SIN3A: variants seen among roughly 807,000 people sequenced by gnomAD.
SIN3A encodes the protein SIN3 transcription regulator family member A, also known as paired amphipathic helix protein Sin3a.
Under a neutral mutation model 146.1 loss-of-function variants are expected in SIN3A, and 14 were observed. The observed-to-expected ratio is 0.10, with a 90% confidence interval of 0.06 to 0.15. The LOEUF is 0.15. Among genes scored for constraint, SIN3A ranks in the 10% least tolerant of loss-of-function variants. The pLI is 1.00. For synonymous variants in SIN3A, 572 were observed against 572.0 expected (o/e 1.00, Z 0.00); for missense variants, 1,028 against 1,576.0 (o/e 0.65, Z 5.89).
At position 75,442,186 on chromosome 15, in the gene SIN3A, C is replaced by T. The variant is rs1183692450; in HGVS notation, c.-34+9237G>A. Among the ~76,000 whole-genome samples the T allele has an allele frequency of 4.5e-5, 6 of 132,594 alleles. No homozygotes were observed. In the East Asian group the frequency reaches 1.2e-3, roughly 26 times the overall value. 87.0% of individuals were successfully genotyped at this position (132,594 alleles called of 152,430 possible). On this transcript the variant is annotated intron_variant, in intron 1 of 20. Transcript: ENST00000394947. ...TTTTTTTCATTTTTACATAATTTTT[C>T]CTTCTAACCATCTTTATACATATAC... is the stretch of plus-strand genomic sequence containing the variant.
chr15:75,452,058 G>A (rs1329177302), upstream of SIN3A, among the ~76,000 whole-genome samples: 4 of 152,188 alleles, frequency 2.6e-5, no homozygotes, highest in African/African-American at 9.7e-5. Context: ...TCCCGCCTCC[G>A]CTGGTCATCG....
At chr15:75,428,340 G>T (rs1229453873) in intron 2 of SIN3A, among the ~76,000 whole-genome samples, 1 of 152,124 alleles carries the variant, frequency 6.6e-6, no homozygotes, top group African/African-American at 2.4e-5. Context: ...AGGAGACAGG[G>T]TCTTGCACTG....
At chr15:75,425,427 C>A (rs143580719) in intron 2 of SIN3A, among the ~76,000 whole-genome samples, 1 of 152,198 alleles carries the variant, frequency 6.6e-6, no homozygotes, top group Admixed American at 6.5e-5. Flanking sequence ...CTTGGGCTCC[C>A]AAAGTGCTGG....
At chr15:75,427,695 C>T (rs912627113) in intron 2 of SIN3A, among the ~76,000 whole-genome samples, 2 of 149,884 alleles carry the variant, frequency 1.3e-5, no homozygotes, top group African/African-American at 2.5e-5. Context: ...ATAGGCTAGG[C>T]GTGGTGGCTC....
At position 75,409,095 on chromosome 15, in the gene SIN3A, T is replaced by C. The variant is rs142487825; in HGVS notation, c.1317+741A>G. The stretch of plus-strand genomic sequence containing the variant: ...GGCACACGCCTGTAGTCCCAGTTAC[T>C]CAGGAGGCTGCGGCAGGATAATTGC... On this transcript the variant is annotated intron_variant, in intron 8 of 20. Transcript: ENST00000394947. 8.0e-3 allele frequency among the ~76,000 whole-genome samples: 1,221 copies of C among 152,016 alleles called. 35 individuals are homozygous for C. In the East Asian group the frequency reaches 0.1, roughly 13 times the overall value.
In SIN3A at chr15:75,400,809, C is replaced by A; in HGVS notation, c.1658G>T (p.Arg553Leu). The A allele has an allele frequency of 6.2e-7, 1 of 1,614,130 alleles. No individual in the cohort carries two copies. The highest frequency in any genetic ancestry group is 8.5e-7 in the Non-Finnish European group (1 of 1,180,032). The change falls in exon 11 of 21, where the codon CGA becomes CTA. Residue 553 changes from arginine to leucine, a missense_variant. By Grantham distance (102) the Arg-to-Leu change is moderately radical. Transcript: ENST00000394947. ...TAAGGCTCGATAGCTGGAGCCCAAT[C>A]GTTTACAAGAAGCATAATCTATCTC... ...AMEIDYASCK[R>L]LGSSYRALPK...
intron 8 of SIN3A, among the ~76,000 whole-genome samples, chr15:75,407,753 C>T (rs1368302858): frequency 6.6e-6 from 1 of 151,446 alleles, no homozygotes; most frequent in Non-Finnish European, 1.5e-5. Context: ...ATTAGCTGGG[C>T]GTGGTAGTGT....
chr15:75,381,470 G>C, intron 18 of SIN3A, 143 bp downstream of exon 18: 1 of 645,662 alleles, frequency 1.5e-6, no homozygotes, highest in Admixed American at 2.6e-5. Flanking sequence ...TGGCTGGATT[G>C]ACTTGTACTT....
chr15:75,371,764 AAAG>A lies in SIN3A; in HGVS notation c.*212_*214del. On this transcript the variant is annotated 3_prime_UTR_variant, in exon 21 of 21. Transcript: ENST00000394947. ...AGGCTATACCCAAAACCCTTTGGGA[AAAG>A]TTCCAGCTTCAGCTTTGTAAGGTAT... is the stretch of plus-strand genomic sequence containing the variant. 1 of 551,616 alleles carries A rather than the reference AAAG, an allele frequency of 1.8e-6. No homozygotes were observed. The highest frequency in any genetic ancestry group is 3.2e-6 in the Non-Finnish European group (1 of 311,016). 34.2% of individuals were successfully genotyped at this position (551,616 alleles called of 1,614,324 possible). A position where few individuals can be genotyped will look rare whatever the true frequency, so the allele number is the denominator to read the frequency against.
chr15:75,429,461 T>C (rs2073979048), intron 2 of SIN3A, among the ~76,000 whole-genome samples: 1 of 152,212 alleles, frequency 6.6e-6, no homozygotes, highest in Non-Finnish European at 1.5e-5. Context: ...ACATGTATTT[T>C]TGACTGCATG....
chr15:75,439,219 G>C (rs2074157953), intron 1 of SIN3A, among the ~76,000 whole-genome samples: 1 of 152,142 alleles, frequency 6.6e-6, no homozygotes, highest in South Asian at 2.1e-4. Flanking sequence ...AGAGTAAAAG[G>C]ATGTTGTCAA....
At chr15:75,441,891 C>T (rs1245438847) in intron 1 of SIN3A, among the ~76,000 whole-genome samples, 11 of 152,002 alleles carry the variant, frequency 7.2e-5, no homozygotes, top group African/African-American at 1.7e-4. Context: ...GAGGCCGAGG[C>T]GGGTGGATCA....
chr15:75,454,312 G>A (rs1436044930), upstream of SIN3A, among the ~76,000 whole-genome samples: 1 of 152,216 alleles, frequency 6.6e-6, no homozygotes, highest in Non-Finnish European at 1.5e-5. Context: ...CTCCGGGAGA[G>A]CCGGAGGTGG....
intron 20 of SIN3A, among the ~76,000 whole-genome samples, chr15:75,372,666 C>A (rs1372441806): frequency 6.6e-6 from 1 of 151,756 alleles, no homozygotes; most frequent in Non-Finnish European, 1.5e-5. Flanking sequence ...TACAAAAATA[C>A]AAATAATAAC....
Position 75,376,110 on chromosome 15 carries a change from A to T in SIN3A, c.3384-238T>A. 1.8e-5 allele frequency: 10 copies of T among 564,932 alleles called. No homozygotes were observed. The South Asian group carries it at 2.1e-4, about 12-fold the overall frequency. The allele number at this position is 564,932 out of a possible 1,614,324, so 35.0% of individuals were successfully genotyped here. ...GACTTAGCAGATGTAGCCAGTTAAG[A>T]GTTTTAATGAGAAACTTCTAGGCCT... is the stretch of plus-strand genomic sequence containing the variant. On this transcript the variant is annotated intron_variant, in intron 19 of 20. Coordinates refer to ENST00000394947, the MANE Select transcript of SIN3A (RefSeq NM_001145358.2).
Position 75,449,664 on chromosome 15 carries a change from C to T in SIN3A, c.-34+1759G>A, listed in dbSNP as rs185663989. Reference sequence around the variant, plus strand: ...AAATAAAAAGGGCAACAACACTGTACTATGTAGAGTATAAATAGAAAGTGG... The same window carrying T: ...AAATAAAAAGGGCAACAACACTGTATTATGTAGAGTATAAATAGAAAGTGG... On this transcript the variant is annotated intron_variant, in intron 1 of 20. Coordinates refer to ENST00000394947, the MANE Select transcript of SIN3A (RefSeq NM_001145358.2). Among the ~76,000 whole-genome samples, 5 of 152,284 alleles carry T rather than the reference C, an allele frequency of 3.3e-5. No homozygotes were observed. In the East Asian group the frequency reaches 9.6e-4, roughly 29 times the overall value.
At chr15:75,443,880 C>T (rs767579604) in intron 1 of SIN3A, among the ~76,000 whole-genome samples, 5 of 152,156 alleles carry the variant, frequency 3.3e-5, no homozygotes, top group Admixed American at 6.5e-5. Flanking sequence ...CACTGCCCTT[C>T]GGCCTGGGCA....
At chr15:75,442,384 G>A (rs1322770648) in intron 1 of SIN3A, among the ~76,000 whole-genome samples, 2 of 150,438 alleles carry the variant, frequency 1.3e-5, no homozygotes, top group Admixed American at 6.6e-5. Flanking sequence ...TGTTGCCCAG[G>A]CTGGTCTCGA....
chr15:75,412,560 T>C (rs976488754), intron 5 of SIN3A, among the ~76,000 whole-genome samples: 4 of 152,232 alleles, frequency 2.6e-5, no homozygotes, highest in Admixed American at 2.6e-4. Context: ...AAGTTGTTGC[T>C]GTGTTGATTT....
Sources: gnomAD v4.1 joint callset for allele counts (sites outside exome capture counted in the v4.1 genomes callset) on GRCh38, gnomAD v4.1.1 for gene constraint, MANE v1.5 for transcripts, NCBI Gene and HGNC (gene_info 2026-07-23, HGNC 2026-07-21) for gene names.